Variants in SGPP2 observed in about 807,000 individuals in gnomAD.
The protein encoded by SGPP2 is sphingosine 1-phosphate phosphohydrolase 2.
A neutral mutation model predicts 33.9 loss-of-function variants in SGPP2; 30 were observed. That is an observed-to-expected ratio of 0.89 (90% CI 0.66 to 1.20). The LOEUF (loss-of-function observed/expected upper bound fraction) is 1.20. Among genes scored for constraint, SGPP2 ranks in the 50% most tolerant of loss-of-function variants. The probability of loss-of-function intolerance (pLI) is 0.00; values close to 1 mark genes in which losing one functional copy is unlikely to be tolerated. For missense variants in SGPP2, 458 were observed against 532.1 expected (o/e 0.86, Z 1.37); for synonymous variants, 233 against 225.0 (o/e 1.04, Z -0.32).
At chr2:222,535,130 A>C (rs1698893876) in intron 4 of SGPP2, among the ~76,000 whole-genome samples, 1 of 148,982 alleles carries the variant, frequency 6.7e-6, no homozygotes, top group Admixed American at 6.7e-5. Flanking sequence ...TAATCCCAGC[A>C]CTTTGGGAGG....
intron 1 of SGPP2, among the ~76,000 whole-genome samples, chr2:222,462,817 T>A (rs1218719995): frequency 6.6e-6 from 1 of 151,852 alleles, no homozygotes; most frequent in Non-Finnish European, 1.5e-5. Context: ...AGAAAAAAAA[T>A]TGATAATCAG....
At chr2:222,497,099 T>C (rs1698292438) in intron 2 of SGPP2, among the ~76,000 whole-genome samples, 1 of 152,162 alleles carries the variant, frequency 6.6e-6, no homozygotes, top group African/African-American at 2.4e-5. Context: ...TTAGCCCTGA[T>C]GGAAAGTTGG....
rs766037423 is a variant in SGPP2 at position 222,558,448 on chromosome 2, C to T, written c.750C>T (p.Pro250=). The T allele has an allele frequency of 1.8e-5, 29 of 1,614,042 alleles. No homozygotes were observed. The Middle Eastern group carries it at 4.9e-4, about 27-fold the overall frequency. ...TGGACTCGGCCAGCCCCCTCTTCCC[C>T]GTGTGTGTCATAGTTGTGCCATTCT... ...DCLDSASPLF[P]VCVIVVPFFL... The change falls in exon 5 of 5, where the codon CCC becomes CCT. Residue 250 remains proline, a synonymous_variant. Transcript: ENST00000321276.
chr2:222,519,430 C>T (rs574180166), intron 2 of SGPP2, among the ~76,000 whole-genome samples: 4 of 152,324 alleles, frequency 2.6e-5, no homozygotes, highest in Admixed American at 6.5e-5. Context: ...ATGAAGTTGT[C>T]CTGTAAATTT....
At chr2:222,426,209 CAAAAAAAAAAAA>C (rs59881994) in intron 1 of SGPP2, among the ~76,000 whole-genome samples, 3 of 58,798 alleles carry the variant, frequency 5.1e-5, no homozygotes, top group African/African-American at 1.3e-4. Flanking sequence ...GACTCCGTCT[CAAAAAAAAAAAA>C]AAAAAAAAAA....
chr2:222,519,356 A>G (rs1409160975), intron 2 of SGPP2, among the ~76,000 whole-genome samples: 1 of 152,268 alleles, frequency 6.6e-6, no homozygotes, highest in Non-Finnish European at 1.5e-5. Flanking sequence ...GCCAGTTCTC[A>G]GACAATGCTT....
chr2:222,445,270 T>C (rs1273524511), intron 1 of SGPP2, among the ~76,000 whole-genome samples: 1 of 152,246 alleles, frequency 6.6e-6, no homozygotes, highest in Non-Finnish European at 1.5e-5. Flanking sequence ...TGTTCACACA[T>C]AGCTTTACTA....
At chr2:222,442,317 C>G (rs150121329) in intron 1 of SGPP2, among the ~76,000 whole-genome samples, 39 of 152,248 alleles carry the variant, frequency 2.6e-4, no homozygotes, top group African/African-American at 9.1e-4. Context: ...CTTGGGCATG[C>G]TTTTTGTTGG....
chr2:222,443,080 A>T (rs1342758177), intron 1 of SGPP2, among the ~76,000 whole-genome samples: 2 of 152,198 alleles, frequency 1.3e-5, no homozygotes, highest in Non-Finnish European at 2.9e-5. Flanking sequence ...CCTCTAAAAA[A>T]CTGTGACAAT....
At chr2:222,449,927 A>C (rs1697457916) in intron 1 of SGPP2, among the ~76,000 whole-genome samples, 2 of 152,140 alleles carry the variant, frequency 1.3e-5, no homozygotes, top group Admixed American at 1.3e-4. Context: ...GCATCTCTCC[A>C]AGTTCAGACA....
chr2:222,542,724 A>AT (rs1158944290), intron 4 of SGPP2, among the ~76,000 whole-genome samples: 2 of 148,032 alleles, frequency 1.4e-5, no homozygotes, highest in African/African-American at 2.5e-5. Flanking sequence ...TCTTTTACCT[A>AT]TTTTTTTTAT....
rs1027019140 is a variant in SGPP2, at chr2:222,424,738, C to T, written c.136C>T (p.Pro46Ser). Residue 46 changes from proline to serine, a missense_variant, in exon 1 of 5, where the codon CCC becomes TCC. Transcript: ENST00000321276. ...ADPTERAARVPGVEHLPAANG... is the reference protein window; with the variant it reads ...ADPTERAARVSGVEHLPAANG... ...CCCCACGGAGCGCGCGGCGCGGGTC[C>T]CCGGGGTCGAGCATCTCCCCGCAGC... 85 of 1,429,948 alleles carry T rather than the reference C, an allele frequency of 5.9e-5. 1 individual carries two copies. Among genetic ancestry groups the T allele is most frequent in the Non-Finnish European group, 7.3e-5 (80 of 1,093,578 alleles). The allele number at this position is 1,429,948 out of a possible 1,614,324, so 88.6% of individuals were successfully genotyped here. A position where few individuals can be genotyped will look rare whatever the true frequency, so the allele number is the denominator to read the frequency against.
intron 1 of SGPP2, among the ~76,000 whole-genome samples, chr2:222,434,020 C>T (rs1697197957): frequency 6.6e-6 from 1 of 152,124 alleles, no homozygotes; most frequent in African/African-American, 2.4e-5. Context: ...CTCTGTGGTC[C>T]CGATTAGAAT....
At chr2:222,545,337 A>G (rs903098505) in intron 4 of SGPP2, among the ~76,000 whole-genome samples, 1 of 147,470 alleles carries the variant, frequency 6.8e-6, no homozygotes, top group Non-Finnish European at 1.5e-5. Flanking sequence ...GCTGGAGTGC[A>G]GTGGCACAAT....
chr2:222,553,446 TAGA>T (rs1162678222), intron 4 of SGPP2, among the ~76,000 whole-genome samples: 1 of 152,210 alleles, frequency 6.6e-6, no homozygotes, highest in African/African-American at 2.4e-5. Context: ...ACCCATGTCA[TAGA>T]AGACTTTGTA....
intron 2 of SGPP2, among the ~76,000 whole-genome samples, chr2:222,506,157 C>T (rs1373737446): frequency 6.6e-6 from 1 of 152,164 alleles, no homozygotes; most frequent in Non-Finnish European, 1.5e-5. Context: ...TTCTGATTAT[C>T]CACTTAAAAC....
chr2:222,486,367 GTTA>G (rs887677479), intron 2 of SGPP2, among the ~76,000 whole-genome samples: 5 of 151,892 alleles, frequency 3.3e-5, no homozygotes, highest in Non-Finnish European at 5.9e-5. Context: ...TAGCATCATC[GTTA>G]TTATTATTAT....
In SGPP2 at chr2:222,562,397, C is replaced by T. The variant is rs1339461146; in HGVS notation, c.*3499C>T. On this transcript the variant is annotated 3_prime_UTR_variant, in exon 5 of 5. Coordinates refer to ENST00000321276, the MANE Select transcript of SGPP2 (RefSeq NM_152386.4). Reference sequence around the variant, plus strand: ...ACTTACATAGCAGTGGCTGGAATTACTCCAAAACGTGCCCAGTGATCGCAC... The same window carrying T: ...ACTTACATAGCAGTGGCTGGAATTATTCCAAAACGTGCCCAGTGATCGCAC... 6.6e-6 allele frequency among the ~76,000 whole-genome samples: 1 copy of T among 152,082 alleles called. No homozygotes were observed. Among genetic ancestry groups the T allele is most frequent in the African/African-American group, 2.4e-5 (1 of 41,352 alleles).
chr2:222,514,327 C>T (rs976270142), intron 2 of SGPP2, among the ~76,000 whole-genome samples: 2 of 152,160 alleles, frequency 1.3e-5, no homozygotes, highest in Non-Finnish European at 2.9e-5. Flanking sequence ...AACCTGATTT[C>T]TCCAAATGAT....
Sources: allele counts gnomAD v4.1 joint callset (sites outside exome capture counted in the v4.1 genomes callset), GRCh38; gene constraint gnomAD v4.1.1; transcripts MANE v1.5; gene names NCBI Gene and HGNC (gene_info 2026-07-23, HGNC 2026-07-21).